The following TMEM87A variants were observed in gnomAD, a reference collection of about 807,000 sequenced individuals.
The protein encoded by TMEM87A is transmembrane protein 87A.
In TMEM87A, 50 loss-of-function variants were observed where a neutral mutation model predicts 90.0. That is an observed-to-expected ratio of 0.56 (90% CI 0.44 to 0.70). The LOEUF is 0.70. Among genes scored for constraint, TMEM87A ranks in the 30% least tolerant of loss-of-function variants. TMEM87A has a pLI of 0.00. For missense variants in TMEM87A, 577 were observed against 660.5 expected, an observed-to-expected ratio of 0.87 and a Z score of 1.39; for synonymous variants, 226 against 226.7, an observed-to-expected ratio of 1.00 and a Z score of 0.03.
intron 2 of TMEM87A, among the ~76,000 whole-genome samples, chr15:42,270,167 C>T (rs1208473178): frequency 6.6e-6 from 1 of 152,078 alleles, no homozygotes; most frequent in East Asian, 1.9e-4. Flanking sequence ...GTCGGGAGTT[C>T]GAGACCAGCC....
chr15:42,242,887 A>C (rs1595728672), intron 7 of TMEM87A, among the ~76,000 whole-genome samples: 1 of 152,182 alleles, frequency 6.6e-6, no homozygotes, highest in African/African-American at 2.4e-5. Flanking sequence ...TTAATGGTGA[A>C]ATATACCAAT....
At chr15:42,231,321 C>A in intron 11 of TMEM87A, 61 bp from the exon 12 acceptor site, 1 of 1,362,312 alleles carries the variant, frequency 7.3e-7, no homozygotes, top group Non-Finnish European at 1.0e-6. Flanking sequence ...AGAGAAGAAA[C>A]CACCACATGA....
chr15:42,223,804 TATTA>T (rs2050540454), intron 15 of TMEM87A, among the ~76,000 whole-genome samples: 2 of 152,114 alleles, frequency 1.3e-5, no homozygotes, highest in South Asian at 4.1e-4. Flanking sequence ...AAAGTAACAA[TATTA>T]ATTCTCATCC....
chr15:42,267,211 G>C (rs1005491862), intron 3 of TMEM87A, among the ~76,000 whole-genome samples: 6 of 152,148 alleles, frequency 3.9e-5, no homozygotes, highest in Non-Finnish European at 7.3e-5. Flanking sequence ...ATATAATTCA[G>C]TCAACTGCTA....
At chr15:42,271,237 A>C (rs1410938849) in intron 2 of TMEM87A, among the ~76,000 whole-genome samples, 1 of 152,238 alleles carries the variant, frequency 6.6e-6, no homozygotes, top group Non-Finnish European at 1.5e-5. Flanking sequence ...ATAATATCTG[A>C]GCTTCCTCTT....
rs376224567 is a variant in TMEM87A, at chr15:42,230,343, A to C, written c.1131+849T>G. 9.2e-5 allele frequency among the ~76,000 whole-genome samples: 14 copies of C among 152,330 alleles called. No individual in the cohort carries two copies. In the East Asian group the frequency reaches 2.1e-3, roughly 23 times the overall value. ...TTTAGTCCAAGGACACTTTAACTGAAAACTCTTATACAGCAACCCACTCAA... is the reference window on the plus strand; with the variant it reads ...TTTAGTCCAAGGACACTTTAACTGACAACTCTTATACAGCAACCCACTCAA... On this transcript the variant is annotated intron_variant, in intron 12 of 19. Transcript: ENST00000389834.
At chr15:42,262,855 C>A (rs997151890) in intron 4 of TMEM87A, among the ~76,000 whole-genome samples, 1 of 152,162 alleles carries the variant, frequency 6.6e-6, no homozygotes, top group Admixed American at 6.5e-5. Flanking sequence ...ATTACTATAA[C>A]TATTTTCAAC....
intron 19 of TMEM87A, among the ~76,000 whole-genome samples, chr15:42,216,233 GA>G (rs1223791848): frequency 2.6e-5 from 4 of 152,084 alleles, no homozygotes; most frequent in Non-Finnish European, 5.9e-5. Flanking sequence ...GAGGGAGGGG[GA>G]AAGCAAGAGT....
intron 6 of TMEM87A, chr15:42,257,900 G>A (rs1436262286): frequency 2.0e-6 from 2 of 983,784 alleles, no homozygotes; most frequent in Non-Finnish European, 1.2e-6. Flanking sequence ...TAATATGCAT[G>A]TGCTCTGTGT....
chr15:42,217,766 C>G (rs759767217), intron 19 of TMEM87A, 37 bp downstream of exon 19: 1 of 1,604,742 alleles, frequency 6.2e-7, no homozygotes, highest in Non-Finnish European at 8.5e-7. Context: ...ATTTAGTCAC[C>G]ATATACATAA....
Position 42,231,257 on chromosome 15 carries a change from G to T in TMEM87A, c.1066C>A (p.Gln356Lys), listed in dbSNP as rs778139874. 5 of 1,570,780 alleles carry T rather than the reference G, an allele frequency of 3.2e-6. No homozygotes were observed. Among genetic ancestry groups the T allele is most frequent in the Non-Finnish European group, 4.3e-6 (5 of 1,163,314 alleles). The change falls in exon 12 of 20, where the codon CAG (glutamine) becomes AAG (lysine). Residue 356 changes from glutamine to lysine, a missense_variant. Gln to Lys is a moderately conservative substitution (Grantham distance 53). Transcript: ENST00000389834. ...AAGGCCAAGGAAGCAAGATCAGTCT[G>T]GGCCTGCAGACAAAGAAAAAGAAGT... ...MEGVLRVTGA[Q>K]TDLASLAFIP... is the part of the protein sequence containing the mutation.
At chr15:42,254,300 A>C (rs1330913080) in intron 6 of TMEM87A, among the ~76,000 whole-genome samples, 1 of 152,194 alleles carries the variant, frequency 6.6e-6, no homozygotes, top group East Asian at 1.9e-4. Context: ...CAAAAATGCA[A>C]TTGTTACAAA....
At chr15:42,271,020 T>TAG (rs1566944694) in intron 2 of TMEM87A, among the ~76,000 whole-genome samples, 4 of 152,210 alleles carry the variant, frequency 2.6e-5, no homozygotes, top group African/African-American at 9.7e-5. Context: ...GTGAAGACAG[T>TAG]ATGCATAGAA....
rs748714800 is a variant in TMEM87A, at chr15:42,244,001, T to C, written c.622+49A>G. 5 of 1,125,484 alleles carry C rather than the reference T, an allele frequency of 4.4e-6. No homozygotes were observed. The South Asian group carries it at 8.1e-5, about 18-fold the overall frequency. 69.7% of individuals were successfully genotyped at this position (1,125,484 alleles called of 1,614,324 possible). ...AAAAAGCATATGTAAAGTACATGAATGACATAACCAGATAATAACATAACC... is the reference window on the plus strand; with the variant it reads ...AAAAAGCATATGTAAAGTACATGAACGACATAACCAGATAATAACATAACC... On this transcript the variant is annotated intron_variant, in intron 7 of 19. Coordinates refer to ENST00000389834, the MANE Select transcript of TMEM87A (RefSeq NM_015497.5).
intron 6 of TMEM87A, among the ~76,000 whole-genome samples, chr15:42,251,027 G>C (rs185033118): frequency 2.0e-5 from 3 of 151,702 alleles, no homozygotes; most frequent in Admixed American, 6.6e-5. Flanking sequence ...CCACTTGATC[G>C]AATCAGCTAC....
chr15:42,246,915 G>A (rs2050984371), intron 6 of TMEM87A, among the ~76,000 whole-genome samples: 1 of 152,194 alleles, frequency 6.6e-6, no homozygotes. Flanking sequence ...CACCAACAGT[G>A]TAAAAGTGTT....
intron 19 of TMEM87A, 98 bp downstream of exon 19, chr15:42,217,702 CACT>C: frequency 8.9e-7 from 1 of 1,124,918 alleles, no homozygotes; most frequent in Non-Finnish European, 1.3e-6. Context: ...GTTTTCAGGC[CACT>C]ACTGAGTCAA....
intron 7 of TMEM87A, among the ~76,000 whole-genome samples, chr15:42,243,693 A>G (rs1280048092): frequency 6.6e-6 from 1 of 151,602 alleles, no homozygotes; most frequent in Non-Finnish European, 1.5e-5. Flanking sequence ...CTAATTTTGT[A>G]TTTTTAGTAG....
In TMEM87A at chr15:42,268,098, T is replaced by A. The variant is rs114295835; in HGVS notation, c.206-66A>T. 2,546 of 1,382,362 alleles carry A rather than the reference T, an allele frequency of 1.8e-3. 35 individuals carry two copies. In the African/African-American group the frequency reaches 0.032, roughly 17 times the overall value. The allele number at this position is 1,382,362 out of a possible 1,614,324, so 85.6% of individuals were successfully genotyped here. A position where few individuals can be genotyped will look rare whatever the true frequency, so the allele number is the denominator to read the frequency against. On this transcript the variant is annotated intron_variant, in intron 2 of 19. Coordinates refer to ENST00000389834, the MANE Select transcript of TMEM87A (RefSeq NM_015497.5). Reference sequence around the variant, plus strand: ...CAACAAAGCATTTTTCCTAAGCTGTTAACCTATATCCTATTCATTTCGTAC... The same window carrying A: ...CAACAAAGCATTTTTCCTAAGCTGTAAACCTATATCCTATTCATTTCGTAC...
Sources: allele counts gnomAD v4.1 joint callset (sites outside exome capture counted in the v4.1 genomes callset), GRCh38; gene constraint gnomAD v4.1.1; transcripts MANE v1.5; gene names NCBI Gene and HGNC (gene_info 2026-07-23, HGNC 2026-07-21).